The following MTBP variants were observed in gnomAD, a reference collection of about 807,000 sequenced individuals.
The protein encoded by MTBP is mdm2-binding protein.
MTBP carries 101 observed loss-of-function variants against 117.0 expected under a neutral mutation model. The ratio of observed to expected loss-of-function variants is 0.86; its 90% confidence interval spans 0.73 to 1.02. MTBP has a LOEUF of 1.02. Ranked by LOEUF, MTBP falls within the 50% of genes least tolerant of loss-of-function variation. The probability of loss-of-function intolerance (pLI) is 0.00; values close to 1 mark genes in which losing one functional copy is unlikely to be tolerated. For missense variants in MTBP, 970 were observed against 1,030.9 expected (o/e 0.94, Z 0.81); for synonymous variants, 350 against 351.5 (o/e 1.00, Z 0.05).
chr8:120,471,143 G>A, intron 11 of MTBP: 1 of 433,980 alleles, frequency 2.3e-6, no homozygotes, highest in Non-Finnish European at 4.1e-6. Context: ...TAAAATGCTA[G>A]TGATCTAAAG....
At chr8:120,503,800 A>C (rs1240978551) in intron 15 of MTBP, among the ~76,000 whole-genome samples, 1 of 152,092 alleles carries the variant, frequency 6.6e-6, no homozygotes, top group Non-Finnish European at 1.5e-5. Flanking sequence ...TAAATTTGGG[A>C]GATAACGTTA....
Position 120,502,585 on chromosome 8 carries a change from T to C in MTBP, c.1703T>C (p.Phe568Ser). 6.2e-7 allele frequency: 1 copy of C among 1,601,854 alleles called. No individual in the cohort carries two copies. The highest frequency in any genetic ancestry group is 8.5e-7 in the Non-Finnish European group (1 of 1,174,014). Residue 568 changes from phenylalanine to serine, a missense_variant, in exon 15 of 22, where the codon TTT becomes TCT. Coordinates refer to ENST00000305949, the MANE Select transcript of MTBP (RefSeq NM_022045.5). ...CATGTTCTTCAAAATTTGGAAACTT[T>C]TGAAAAAACTAAACAAAAAATGAGG... ...ERHVLQNLET[F>S]EKTKQKMRTG...
chr8:120,470,748 A>G, intron 10 of MTBP, 72 bp from the exon 11 acceptor site: 1 of 1,105,326 alleles, frequency 9.0e-7, no homozygotes, highest in Non-Finnish European at 1.3e-6. Flanking sequence ...ATGAGTGGAA[A>G]ATTGTCAACT....
chr8:120,489,316 C>T (rs575021223), intron 12 of MTBP, among the ~76,000 whole-genome samples: 1 of 152,126 alleles, frequency 6.6e-6, no homozygotes, highest in Non-Finnish European at 1.5e-5. Flanking sequence ...GGATTACAGG[C>T]GTGATCCACT....
At chr8:120,486,432 G>C (rs1265747065) in intron 11 of MTBP, among the ~76,000 whole-genome samples, 1 of 152,138 alleles carries the variant, frequency 6.6e-6, no homozygotes, top group Non-Finnish European at 1.5e-5. Context: ...TGTAGAAACT[G>C]CCCTGTGAAT....
chr8:120,516,050 T>A lies in MTBP; in HGVS notation c.2105T>A (p.Leu702Ter). 1 of 1,613,184 alleles carries A rather than the reference T, an allele frequency of 6.2e-7. No individual in the cohort carries two copies. Among genetic ancestry groups the A allele is most frequent in the Non-Finnish European group, 8.5e-7 (1 of 1,179,328 alleles). ...TRESFPVPTV[L>*]SPLPSPVVSS... ...GAAAGTTTTCCAGTACCTACTGTGTTGAGCCCTCTTCCATCTCCTGTAGTT... is the reference window on the plus strand; with the variant it reads ...GAAAGTTTTCCAGTACCTACTGTGTAGAGCCCTCTTCCATCTCCTGTAGTT... The change falls in exon 18 of 22, where the codon TTG becomes TAG. Residue 702 changes from leucine (L) to a stop codon, truncating the protein, a stop_gained. Coordinates refer to ENST00000305949, the MANE Select transcript of MTBP (RefSeq NM_022045.5). LOFTEE classifies it high-confidence loss of function.
intron 2 of MTBP, among the ~76,000 whole-genome samples, chr8:120,450,378 A>G (rs924371288): frequency 6.6e-6 from 1 of 152,202 alleles, no homozygotes; most frequent in Admixed American, 6.5e-5. Context: ...AGAATTTAGC[A>G]TCTTACCTAG....
intron 11 of MTBP, among the ~76,000 whole-genome samples, chr8:120,482,599 G>T (rs1178363486): frequency 1.3e-5 from 2 of 151,894 alleles, no homozygotes; most frequent in Non-Finnish European, 2.9e-5. Flanking sequence ...TTACTTAATT[G>T]TTTAAAATAG....
At chr8:120,453,946 T>G in intron 5 of MTBP, 41 bp downstream of exon 5, 1 of 1,081,246 alleles carries the variant, frequency 9.2e-7, no homozygotes. Flanking sequence ...GTATCTTATC[T>G]TATTACACTT....
intron 13 of MTBP, 144 bp downstream of exon 13, chr8:120,490,714 A>G: frequency 1.8e-6 from 1 of 556,922 alleles, no homozygotes; most frequent in Non-Finnish European, 3.1e-6. Context: ...GAAAGCAATG[A>G]TGTAGAGTAG....
chr8:120,465,368 A>G (rs1813664895), intron 10 of MTBP, among the ~76,000 whole-genome samples: 1 of 152,208 alleles, frequency 6.6e-6, no homozygotes, highest in Non-Finnish European at 1.5e-5. Context: ...TACAGCTCTT[A>G]ATATTGTAAA....
At chr8:120,456,813 T>C in intron 7 of MTBP, 143 bp downstream of exon 7, 1 of 622,582 alleles carries the variant, frequency 1.6e-6, no homozygotes, top group Non-Finnish European at 2.8e-6. Context: ...TAATTAAATG[T>C]TCTATATCTG....
intron 20 of MTBP, among the ~76,000 whole-genome samples, chr8:120,519,480 T>C (rs1432904677): frequency 6.6e-6 from 1 of 152,078 alleles, no homozygotes; most frequent in Non-Finnish European, 1.5e-5. Flanking sequence ...AAGACGATGG[T>C]TTTCTAAAAC....
intron 13 of MTBP, among the ~76,000 whole-genome samples, chr8:120,495,188 T>C (rs772422143): frequency 5.3e-5 from 8 of 152,194 alleles, no homozygotes; most frequent in Non-Finnish European, 8.8e-5. Flanking sequence ...GTCTGAAAAT[T>C]TATTTACTTC....
At chr8:120,518,894 G>C in intron 20 of MTBP, 77 bp downstream of exon 20, 1 of 1,006,026 alleles carries the variant, frequency 9.9e-7, no homozygotes, top group East Asian at 2.5e-5. Flanking sequence ...AAAAGTTTGA[G>C]TATTTTTTAT....
chr8:120,512,327 AT>A (rs758984594), intron 17 of MTBP, among the ~76,000 whole-genome samples: 1 of 152,164 alleles, frequency 6.6e-6, no homozygotes, highest in African/African-American at 2.4e-5. Context: ...ATAAGCTACA[AT>A]AATTACATTT....
chr8:120,521,309 G>A (rs919268176), intron 20 of MTBP, among the ~76,000 whole-genome samples: 1 of 152,084 alleles, frequency 6.6e-6, no homozygotes, highest in African/African-American at 2.4e-5. Context: ...AATATTGGAA[G>A]AAAGATAAAT....
chr8:120,467,265 T>G (rs1813718596), intron 10 of MTBP, among the ~76,000 whole-genome samples: 1 of 152,170 alleles, frequency 6.6e-6, no homozygotes. Context: ...GCTAGAAACA[T>G]GATTTCCACA....
rs183807396 is a variant in MTBP at position 120,508,884 on chromosome 8, G to T, written c.1884-1050G>T. Among the ~76,000 whole-genome samples the T allele has an allele frequency of 4.5e-3, 688 of 152,206 alleles. 8 individuals are homozygous for T. Among genetic ancestry groups the T allele is most frequent in the African/African-American group, 0.016 (648 of 41,520 alleles). On this transcript the variant is annotated intron_variant, in intron 16 of 21. Coordinates refer to ENST00000305949, the MANE Select transcript of MTBP (RefSeq NM_022045.5). ...AGTGGTTTCCAGCTCAGAGAAGGAC[G>T]GCACCTATCGGAATAATCCAGAGAG...
Sources: allele counts gnomAD v4.1 joint callset (sites outside exome capture counted in the v4.1 genomes callset), GRCh38; gene constraint gnomAD v4.1.1; transcripts MANE v1.5; gene names NCBI Gene and HGNC (gene_info 2026-07-23, HGNC 2026-07-21).